Variants in KIAA1549L observed in about 807,000 individuals in gnomAD.
The protein encoded by KIAA1549L is UPF0606 protein KIAA1549L.
KIAA1549L carries 88 observed loss-of-function variants against 160.7 expected under a neutral mutation model. That is an observed-to-expected ratio of 0.55 (90% CI 0.46 to 0.65). The LOEUF (loss-of-function observed/expected upper bound fraction) is 0.65, where lower values mean the gene tolerates loss of function less well. KIAA1549L is among the 30% of genes least tolerant of loss of function. The probability of loss-of-function intolerance (pLI) is 0.00; values close to 1 mark genes in which losing one functional copy is unlikely to be tolerated. For missense variants in KIAA1549L, 2,258 were observed against 2,437.5 expected (o/e 0.93, Z 1.55); for synonymous variants, 950 against 976.7 (o/e 0.97, Z 0.51).
intron 1 of KIAA1549L, among the ~76,000 whole-genome samples, chr11:33,468,369 T>C (rs1398878936): frequency 6.6e-6 from 1 of 152,170 alleles, no homozygotes; most frequent in Non-Finnish European, 1.5e-5. Context: ...GAAAAAAAAT[T>C]ATCAAAAACA....
intron 16 of KIAA1549L, among the ~76,000 whole-genome samples, chr11:33,632,406 T>A (rs1851321193): frequency 1.3e-5 from 2 of 152,224 alleles, no homozygotes; most frequent in South Asian, 4.1e-4. Flanking sequence ...ACTGTAGCAG[T>A]GAATGCGGGG....
intron 1 of KIAA1549L, among the ~76,000 whole-genome samples, chr11:33,473,565 C>T (rs533960834): frequency 1.3e-5 from 2 of 152,294 alleles, no homozygotes; most frequent in African/African-American, 4.8e-5. Flanking sequence ...CTTATAATCT[C>T]ATTCCTTTGC....
intron 1 of KIAA1549L, among the ~76,000 whole-genome samples, chr11:33,378,193 AT>A (rs1849995484): frequency 6.6e-6 from 1 of 152,210 alleles, no homozygotes. Context: ...CCTGTTTTTG[AT>A]TAAAGGATAT....
chr11:33,575,508 A>G (rs958250015), intron 10 of KIAA1549L, among the ~76,000 whole-genome samples: 1 of 152,126 alleles, frequency 6.6e-6, no homozygotes, highest in Admixed American at 6.5e-5. Flanking sequence ...TTCTGTTCTC[A>G]TTGGGGCAGT....
rs766315728 is a variant in KIAA1549L at position 33,547,841 on chromosome 11, T to A, written c.3463T>A (p.Leu1155Met). ...TATCGCCAAAGGGCTCACACAGGCA[T>A]TGCGGAAGGCTTTCCACCAGAACGA... ...FSIAKGLTQA[L>M]RKAFHQNDVS... The change falls in exon 4 of 21, where the codon TTG becomes ATG. Residue 1155 changes from leucine (L) to methionine (M), a missense_variant. By Grantham distance (15) the Leu-to-Met change is conservative (BLOSUM62 2). Around this residue, in one of 6 missense-constraint regions of KIAA1549L, gnomAD observed 1,359 missense variants for 1,546.6 expected, o/e 0.88. Transcript: ENST00000658780. 1 of 1,613,548 alleles carries A rather than the reference T, an allele frequency of 6.2e-7. No homozygotes were observed. Among genetic ancestry groups the A allele is most frequent in the Non-Finnish European group, 8.5e-7 (1 of 1,179,628 alleles).
chr11:33,438,266 C>T (rs1383472587), intron 1 of KIAA1549L, among the ~76,000 whole-genome samples: 1 of 152,102 alleles, frequency 6.6e-6, no homozygotes, highest in Non-Finnish European at 1.5e-5. Context: ...AATTAATTGA[C>T]CCATTTAATC....
intron 1 of KIAA1549L, among the ~76,000 whole-genome samples, chr11:33,495,485 C>T (rs1852795764): frequency 6.6e-6 from 1 of 152,064 alleles, no homozygotes; most frequent in Admixed American, 6.5e-5. Flanking sequence ...CATAGTATTC[C>T]ATGGCGTATA....
At chr11:33,420,731 G>A (rs959445050) in intron 1 of KIAA1549L, among the ~76,000 whole-genome samples, 1 of 152,166 alleles carries the variant, frequency 6.6e-6, no homozygotes, top group Non-Finnish European at 1.5e-5. Context: ...GCTAAGTCTG[G>A]ACTGCAACTC....
At chr11:33,531,133 C>G (rs543416129) in intron 1 of KIAA1549L, among the ~76,000 whole-genome samples, 2 of 152,090 alleles carry the variant, frequency 1.3e-5, no homozygotes, top group Non-Finnish European at 2.9e-5. Flanking sequence ...ATCATGTAAA[C>G]CCAGGTTAAA....
At chr11:33,667,289 CTTCCTAAGGTTTTTCAGCAAAATATATA>C (rs1258651030) in intron 20 of KIAA1549L, among the ~76,000 whole-genome samples, 46 of 139,130 alleles carry the variant, frequency 3.3e-4, no homozygotes, top group African/African-American at 5.3e-4. Flanking sequence ...CAAAATATAT[CTTCCTAAGGTTTTTCAGCAAAATATATA>C]TTCCTAAGGT....
At chr11:33,664,916 C>A (rs901806460) in intron 20 of KIAA1549L, among the ~76,000 whole-genome samples, 2 of 152,220 alleles carry the variant, frequency 1.3e-5, no homozygotes, top group African/African-American at 4.8e-5. Context: ...GGCTGTATTT[C>A]TCAGAAGTGT....
chr11:33,430,305 A>AT (rs1207173691), intron 1 of KIAA1549L, among the ~76,000 whole-genome samples: 1 of 141,168 alleles, frequency 7.1e-6, no homozygotes, highest in Admixed American at 7.7e-5. Context: ...TTCCCAACAT[A>AT]TTTTTGGGAA....
chr11:33,613,314 G>A lies in KIAA1549L; in HGVS notation c.5279+3348G>A, dbSNP rs141930020. Reference sequence around the variant, plus strand: ...TAGCCATTCTTACTGGTATGAGATGGTACCTCATTTTGGTTTTGATTTGCG... The same window carrying A: ...TAGCCATTCTTACTGGTATGAGATGATACCTCATTTTGGTTTTGATTTGCG... On this transcript the variant is annotated intron_variant, in intron 15 of 20. Coordinates refer to ENST00000658780, the MANE Select transcript of KIAA1549L (RefSeq NM_012194.3). Among the ~76,000 whole-genome samples the A allele has an allele frequency of 7.6e-4, 116 of 152,264 alleles. No homozygotes were observed. The East Asian group carries it at 0.011, about 15-fold the overall frequency.
At chr11:33,475,153 A>G (rs768674549) in intron 1 of KIAA1549L, among the ~76,000 whole-genome samples, 3 of 152,260 alleles carry the variant, frequency 2.0e-5, no homozygotes, top group Non-Finnish European at 4.4e-5. Context: ...ATATGCCCCT[A>G]ACACCCAATT....
chr11:33,646,115 G>T, intron 17 of KIAA1549L, 79 bp downstream of exon 17: 3 of 1,097,230 alleles, frequency 2.7e-6, no homozygotes, highest in Non-Finnish European at 2.6e-6. Flanking sequence ...CAGAGCAGGG[G>T]CTTCTACAGA....
At chr11:33,513,903 C>A (rs1853281415) in intron 1 of KIAA1549L, among the ~76,000 whole-genome samples, 1 of 152,144 alleles carries the variant, frequency 6.6e-6, no homozygotes, top group Non-Finnish European at 1.5e-5. Flanking sequence ...CTCTATAAGA[C>A]CCTCTACTGT....
chr11:33,382,207 C>T (rs1012798658), intron 1 of KIAA1549L, among the ~76,000 whole-genome samples: 3 of 151,838 alleles, frequency 2.0e-5, no homozygotes, highest in Non-Finnish European at 2.9e-5. Flanking sequence ...AGGGGACCAG[C>T]AAGAGATAGA....
At chr11:33,460,586 T>C (rs1178889070) in intron 1 of KIAA1549L, among the ~76,000 whole-genome samples, 1 of 152,230 alleles carries the variant, frequency 6.6e-6, no homozygotes, top group African/African-American at 2.4e-5. Context: ...TATATTTGGC[T>C]TGAGCATCTA....
At chr11:33,583,647 T>C (rs1590367722) in intron 11 of KIAA1549L, 146 bp downstream of exon 11, 1 of 728,900 alleles carries the variant, frequency 1.4e-6, no homozygotes, top group East Asian at 2.9e-5. Context: ...TTCCTTTTAG[T>C]CTCAGGACCT....
Sources: gnomAD v4.1 joint callset for allele counts (sites outside exome capture counted in the v4.1 genomes callset) on GRCh38, gnomAD v4.1.1 for gene constraint, gnomAD v4.1.1 regional missense constraint, MANE v1.5 for transcripts, NCBI Gene and HGNC (gene_info 2026-07-23, HGNC 2026-07-21) for gene names.